Variants in FRY observed in about 807,000 individuals in gnomAD.
FRY encodes the protein protein furry homolog.
In FRY, 128 loss-of-function variants were observed where a neutral mutation model predicts 348.4. That is an observed-to-expected ratio of 0.37 (90% confidence interval 0.32 to 0.43). FRY has a LOEUF of 0.43. FRY is among the 20% of genes least tolerant of loss of function. The pLI is 1.00. For synonymous variants in FRY, 1,370 were observed against 1,374.7 expected (o/e 1.00, Z 0.08); for missense variants, 2,736 against 3,695.2 (o/e 0.74, Z 6.73).
At chr13:32,282,268 GGA>G (rs1190953231) in intron 58 of FRY, among the ~76,000 whole-genome samples, 2 of 152,254 alleles carry the variant, frequency 1.3e-5, no homozygotes, top group South Asian at 2.1e-4. Flanking sequence ...TCTGTCTTCT[GGA>G]ATGATTTGAT....
chr13:32,281,860 G>T (rs1271512706), intron 58 of FRY, among the ~76,000 whole-genome samples: 2 of 152,182 alleles, frequency 1.3e-5, no homozygotes, highest in Non-Finnish European at 2.9e-5. Context: ...GTTTTAATTG[G>T]TTAGTAGATC....
chr13:32,061,882 G>C (rs954936510), intron 1 of FRY, among the ~76,000 whole-genome samples: 2 of 152,114 alleles, frequency 1.3e-5, no homozygotes, highest in Non-Finnish European at 2.9e-5. Flanking sequence ...ATGACACAGA[G>C]TTAATTACAT....
At chr13:32,071,388 T>C (rs1874648839) in intron 1 of FRY, among the ~76,000 whole-genome samples, 1 of 152,246 alleles carries the variant, frequency 6.6e-6, no homozygotes, top group Non-Finnish European at 1.5e-5. Flanking sequence ...TTTTATTTCA[T>C]TGAGCAGTGA....
At chr13:32,085,932 C>T (rs1302920936) in intron 2 of FRY, 1 of 518,974 alleles carries the variant, frequency 1.9e-6, no homozygotes, top group African/African-American at 1.9e-5. Flanking sequence ...ATGACAGAGG[C>T]AAACAAAGTA....
At chr13:32,105,258 G>A (rs1877462342) in intron 3 of FRY, among the ~76,000 whole-genome samples, 1 of 152,204 alleles carries the variant, frequency 6.6e-6, no homozygotes, top group African/African-American at 2.4e-5. Flanking sequence ...CTTGACAGAG[G>A]GAGCTCCTCT....
intron 1 of FRY, among the ~76,000 whole-genome samples, chr13:32,051,894 G>A (rs2138406702): frequency 1.3e-5 from 2 of 152,352 alleles, no homozygotes; most frequent in East Asian, 3.9e-4. Flanking sequence ...TAACATGGAT[G>A]ATATGGTTAG....
intron 29 of FRY, among the ~76,000 whole-genome samples, chr13:32,197,324 T>C (rs1238602857): frequency 6.6e-6 from 1 of 152,238 alleles, no homozygotes; most frequent in Non-Finnish European, 1.5e-5. Context: ...TGAATGCCTA[T>C]TTCTTCAGGG....
At chr13:32,065,246 A>G (rs571579345) in intron 1 of FRY, among the ~76,000 whole-genome samples, 1 of 152,312 alleles carries the variant, frequency 6.6e-6, no homozygotes, top group Non-Finnish European at 1.5e-5. Context: ...CTCAAATTCT[A>G]CAGTTATCAA....
chr13:32,168,253 T>C (rs757472676), intron 17 of FRY, among the ~76,000 whole-genome samples: 1 of 152,192 alleles, frequency 6.6e-6, no homozygotes, highest in Non-Finnish European at 1.5e-5. Flanking sequence ...GAAGAACCAG[T>C]GTTGCAGATG....
At chr13:32,183,071 T>G (rs1882805855) in intron 24 of FRY, 37 bp downstream of exon 24, 1 of 1,291,352 alleles carries the variant, frequency 7.7e-7, no homozygotes, top group Non-Finnish European at 1.1e-6. Flanking sequence ...GGCTTGGTTT[T>G]TTGGACAATC....
chr13:32,252,446 A>C (rs1887130681), intron 50 of FRY, among the ~76,000 whole-genome samples: 1 of 152,236 alleles, frequency 6.6e-6, no homozygotes, highest in Admixed American at 6.5e-5. Flanking sequence ...TAAAACAAAA[A>C]TCATACCATC....
intron 58 of FRY, among the ~76,000 whole-genome samples, chr13:32,279,126 T>G (rs939379852): frequency 2.0e-5 from 3 of 152,232 alleles, no homozygotes; most frequent in African/African-American, 7.2e-5. Flanking sequence ...CTTCTGATCT[T>G]GTCAGCGAGA....
chr13:32,089,654 G>A (rs895597760), intron 2 of FRY, among the ~76,000 whole-genome samples: 1 of 151,840 alleles, frequency 6.6e-6, no homozygotes, highest in Non-Finnish European at 1.5e-5. Flanking sequence ...ACATGCCTGT[G>A]CTTCCAGAGG....
chr13:32,069,184 G>C (rs1391586969), intron 1 of FRY, among the ~76,000 whole-genome samples: 1 of 152,010 alleles, frequency 6.6e-6, no homozygotes, highest in African/African-American at 2.4e-5. Context: ...CAAAGTGCTG[G>C]GATTACAGGC....
intron 1 of FRY, among the ~76,000 whole-genome samples, chr13:32,067,623 G>A (rs1874346909): frequency 6.6e-6 from 1 of 152,144 alleles, no homozygotes; most frequent in African/African-American, 2.4e-5. Flanking sequence ...AACAAATGAT[G>A]TTTTCATACA....
intron 1 of FRY, among the ~76,000 whole-genome samples, chr13:32,039,420 G>C (rs996360950): frequency 6.6e-6 from 1 of 151,972 alleles, no homozygotes; most frequent in Non-Finnish European, 1.5e-5. Flanking sequence ...CAAAATACTT[G>C]GGTGATTACA....
rs573611979 is a variant in FRY at position 32,107,138 on chromosome 13, C to T, written c.324+5122C>T. ...TTGGGAGGCCGAGGCGGGTGGATCACCCGAGCTCAAGAGTTGGAGACCAGC... is the reference window on the plus strand; with the variant it reads ...TTGGGAGGCCGAGGCGGGTGGATCATCCGAGCTCAAGAGTTGGAGACCAGC... On this transcript the variant is annotated intron_variant, in intron 3 of 60. Coordinates refer to ENST00000542859, the MANE Select transcript of FRY (RefSeq NM_023037.3). Among the ~76,000 whole-genome samples the T allele has an allele frequency of 1.1e-3, 170 of 152,316 alleles. 1 individual carries two copies. Among genetic ancestry groups the T allele is most frequent in the African/African-American group, 3.9e-3 (163 of 41,564 alleles).
chr13:32,097,940 T>C (rs1238278222), intron 2 of FRY, among the ~76,000 whole-genome samples: 2 of 151,210 alleles, frequency 1.3e-5, no homozygotes, highest in Admixed American at 6.6e-5. Flanking sequence ...CAATAAAGAG[T>C]ATTTTTAAAA....
intron 56 of FRY, 91 bp from the exon 57 acceptor site, chr13:32,276,373 G>A: frequency 3.8e-6 from 3 of 785,390 alleles, no homozygotes; most frequent in East Asian, 2.5e-5. Context: ...CCCCTTAACA[G>A]CACTTCTAAA....
Sources: gnomAD v4.1 joint callset for allele counts (sites outside exome capture counted in the v4.1 genomes callset) on GRCh38, gnomAD v4.1.1 for gene constraint, MANE v1.5 for transcripts, NCBI Gene and HGNC (gene_info 2026-07-23, HGNC 2026-07-21) for gene names.